The following MAML2 variants were observed in gnomAD, a reference collection of about 807,000 sequenced individuals.
MAML2 encodes mastermind like transcriptional coactivator 2, also known as mastermind-like protein 2.
A neutral mutation model predicts 96.1 loss-of-function variants in MAML2; 22 were observed. The observed-to-expected ratio is 0.23, with a 90% CI of 0.16 to 0.33. MAML2 has a LOEUF of 0.33. Ranked by LOEUF, MAML2 falls within the 10% of genes least tolerant of loss-of-function variation. MAML2 has a pLI of 1.00. For synonymous variants in MAML2, 561 were observed against 521.3 expected (o/e 1.08, Z -1.04); for missense variants, 1,367 against 1,392.4 (o/e 0.98, Z 0.29).
At chr11:96,246,917 C>T (rs922112783) in intron 1 of MAML2, among the ~76,000 whole-genome samples, 8 of 152,128 alleles carry the variant, frequency 5.3e-5, no homozygotes, top group Admixed American at 3.3e-4. Context: ...ATTGTTAATG[C>T]CAAGTGAAAC....
intron 1 of MAML2, among the ~76,000 whole-genome samples, chr11:96,312,219 CAAAAAAAAAAAAAA>C (rs34658278): frequency 3.9e-5 from 2 of 51,554 alleles, no homozygotes; most frequent in African/African-American, 1.9e-4. Flanking sequence ...GACTCTATCT[CAAAAAAAAAAAAAA>C]AAAAAAAAAA....
At chr11:96,004,457 C>T (rs1030107195) in intron 2 of MAML2, among the ~76,000 whole-genome samples, 2 of 151,806 alleles carry the variant, frequency 1.3e-5, no homozygotes, top group Non-Finnish European at 2.9e-5. Flanking sequence ...TAAAAAAAAC[C>T]CAGTATGTAA....
At chr11:96,060,158 T>G (rs897114241) in intron 2 of MAML2, among the ~76,000 whole-genome samples, 28 of 152,168 alleles carry the variant, frequency 1.8e-4, no homozygotes, top group Non-Finnish European at 5.9e-5. Flanking sequence ...GGCAAGAACT[T>G]TATGTGTTCA....
chr11:96,303,206 A>G (rs1387989500), intron 1 of MAML2, among the ~76,000 whole-genome samples: 1 of 152,240 alleles, frequency 6.6e-6, no homozygotes, highest in Non-Finnish European at 1.5e-5. Flanking sequence ...AGTGCAGCAC[A>G]TGACTCACAC....
At chr11:96,259,447 A>G (rs1750150615) in intron 1 of MAML2, among the ~76,000 whole-genome samples, 1 of 152,162 alleles carries the variant, frequency 6.6e-6, no homozygotes, top group Admixed American at 6.5e-5. Flanking sequence ...AAAACTGTGG[A>G]GAGTGAAGTG....
intron 1 of MAML2, among the ~76,000 whole-genome samples, chr11:96,310,971 A>C (rs886303246): frequency 6.6e-6 from 1 of 152,212 alleles, no homozygotes; most frequent in Non-Finnish European, 1.5e-5. Flanking sequence ...AATGGCTAAC[A>C]TCTAAGGAGT....
intron 1 of MAML2, among the ~76,000 whole-genome samples, chr11:96,203,611 T>C (rs1325383219): frequency 6.6e-6 from 1 of 152,184 alleles, no homozygotes; most frequent in Non-Finnish European, 1.5e-5. Flanking sequence ...GCACTTATAT[T>C]CTAATGCAAG....
intron 1 of MAML2, among the ~76,000 whole-genome samples, chr11:96,235,409 C>T (rs368809782): frequency 6.6e-6 from 1 of 152,190 alleles, no homozygotes; most frequent in Non-Finnish European, 1.5e-5. Context: ...AATATGTACC[C>T]TCTGGCTCTT....
chr11:96,038,436 A>C (rs576348174), intron 2 of MAML2, among the ~76,000 whole-genome samples: 42 of 152,362 alleles, frequency 2.8e-4, no homozygotes, highest in African/African-American at 1.0e-3. Context: ...AAAAACGCAA[A>C]ATAGATAAAA....
chr11:96,045,918 T>TCC (rs1555001104), intron 2 of MAML2, among the ~76,000 whole-genome samples: 17 of 150,462 alleles, frequency 1.1e-4, no homozygotes, highest in African/African-American at 3.9e-4. Flanking sequence ...TTTTTTTTTT[T>TCC]CCCCCATTCC....
intron 3 of MAML2, among the ~76,000 whole-genome samples, chr11:95,989,289 C>A (rs1427234620): frequency 1.3e-5 from 2 of 151,940 alleles, no homozygotes; most frequent in Admixed American, 1.3e-4. Flanking sequence ...GCACAGACAC[C>A]CTCAATGGTG....
intron 2 of MAML2, among the ~76,000 whole-genome samples, chr11:96,000,606 C>G (rs573759226): frequency 6.6e-6 from 1 of 152,268 alleles, no homozygotes; most frequent in East Asian, 1.9e-4. Flanking sequence ...AGATAACTGG[C>G]AAGTTGAAAA....
In MAML2 at chr11:95,991,121, G is replaced by C. The variant is rs140561253; in HGVS notation, c.2343+399C>G. 4.3e-4 allele frequency among the ~76,000 whole-genome samples: 66 copies of C among 152,194 alleles called. 1 individual carries two copies. Among genetic ancestry groups the C allele is most frequent in the Middle Eastern group, 6.8e-3 (2 of 294 alleles). Reference sequence around the variant, plus strand: ...AATCTTGGTTTTGAGGCTCCATGTTGGCTTTTAAAATTGCTTTTGAAACTC... The same window carrying C: ...AATCTTGGTTTTGAGGCTCCATGTTCGCTTTTAAAATTGCTTTTGAAACTC... On this transcript the variant is annotated intron_variant, in intron 3 of 4. Transcript: ENST00000524717.
chr11:96,314,077 A>T (rs755805867), intron 1 of MAML2, among the ~76,000 whole-genome samples: 5 of 152,220 alleles, frequency 3.3e-5, no homozygotes, highest in Non-Finnish European at 7.3e-5. Context: ...GATATGAAAA[A>T]GGAAAGGAAA....
intron 1 of MAML2, among the ~76,000 whole-genome samples, chr11:96,253,355 A>G (rs1862613092): frequency 6.6e-6 from 1 of 152,244 alleles, no homozygotes; most frequent in Non-Finnish European, 1.5e-5. Context: ...GAATATAGAC[A>G]TTAAATTGAT....
chr11:96,260,007 C>T (rs1352492334), intron 1 of MAML2, among the ~76,000 whole-genome samples: 2 of 150,836 alleles, frequency 1.3e-5, no homozygotes, highest in Admixed American at 6.6e-5. Context: ...TTCAAACAGG[C>T]TGGGAGGAAA....
At chr11:96,303,696 G>A (rs1234776196) in intron 1 of MAML2, among the ~76,000 whole-genome samples, 2 of 152,150 alleles carry the variant, frequency 1.3e-5, no homozygotes, top group African/African-American at 4.8e-5. Context: ...GACACACAAT[G>A]AGTGTCCAGC....
At chr11:96,057,657 T>G (rs981652670) in intron 2 of MAML2, among the ~76,000 whole-genome samples, 1 of 152,216 alleles carries the variant, frequency 6.6e-6, no homozygotes, top group Admixed American at 6.5e-5. Context: ...CCTTATTTTC[T>G]AAATACAGCA....
chr11:96,139,252 C>T (rs1262432215), intron 1 of MAML2, among the ~76,000 whole-genome samples: 4 of 152,074 alleles, frequency 2.6e-5, no homozygotes, highest in East Asian at 1.9e-4. Flanking sequence ...CCGAGGCGGG[C>T]AGATCACGAG....
Sources: gnomAD v4.1 joint callset for allele counts (sites outside exome capture counted in the v4.1 genomes callset) on GRCh38, gnomAD v4.1.1 for gene constraint, MANE v1.5 for transcripts, NCBI Gene and HGNC (gene_info 2026-07-23, HGNC 2026-07-21) for gene names.